PLCL2: variants seen among roughly 807,000 people sequenced by gnomAD.
PLCL2 encodes phospholipase C like 2.
Under a neutral mutation model 79.6 loss-of-function variants are expected in PLCL2, and 4 were observed. The ratio of observed to expected loss-of-function variants is 0.05; its 90% confidence interval spans 0.02 to 0.11. The LOEUF (loss-of-function observed/expected upper bound fraction) is 0.11, where lower values mean the gene tolerates loss of function less well. PLCL2 is among the 10% of genes least tolerant of loss of function. The pLI is 1.00. For synonymous variants in PLCL2, 484 were observed against 457.7 expected (o/e 1.06, Z -0.73); for missense variants, 895 against 1,291.0 (o/e 0.69, Z 4.70).
At chr3:16,960,187 T>C (rs1040450560) in intron 1 of PLCL2, among the ~76,000 whole-genome samples, 1 of 152,232 alleles carries the variant, frequency 6.6e-6, no homozygotes, top group Non-Finnish European at 1.5e-5. Context: ...TTCAGATCTC[T>C]GTAAAGAGGA....
chr3:17,021,995 T>C (rs1221025381), intron 3 of PLCL2, among the ~76,000 whole-genome samples: 1 of 152,174 alleles, frequency 6.6e-6, no homozygotes, highest in African/African-American at 2.4e-5. Context: ...TAGATTTCAT[T>C]TGAGCCATCA....
chr3:17,045,969 CAG>C (rs753314798), intron 4 of PLCL2, among the ~76,000 whole-genome samples: 21 of 152,074 alleles, frequency 1.4e-4, no homozygotes, highest in Non-Finnish European at 2.5e-4. Flanking sequence ...GGATTCAAGA[CAG>C]GGGCAAGAGT....
intron 1 of PLCL2, among the ~76,000 whole-genome samples, chr3:16,999,967 A>G (rs960653367): frequency 7.9e-5 from 12 of 152,144 alleles, no homozygotes; most frequent in African/African-American, 2.7e-4. Context: ...GGAAGTGATA[A>G]TCTTCCTCTT....
chr3:16,985,230 A>G (rs567578461), intron 1 of PLCL2, among the ~76,000 whole-genome samples: 10 of 152,250 alleles, frequency 6.6e-5, no homozygotes, highest in East Asian at 3.9e-4. Flanking sequence ...CCGGGTGCCT[A>G]TAGCTCCCTG....
chr3:16,930,756 C>T (rs1049524146), intron 1 of PLCL2, among the ~76,000 whole-genome samples: 4 of 152,176 alleles, frequency 2.6e-5, no homozygotes, highest in African/African-American at 9.7e-5. Context: ...CTCCTACAAG[C>T]ACCTGAACTC....
rs1255450914 is a variant in PLCL2, at chr3:16,898,394, T to C, written c.327+13028T>C. On this transcript the variant is annotated intron_variant, in intron 1 of 5. Coordinates refer to ENST00000615277, the MANE Select transcript of PLCL2 (RefSeq NM_001144382.2). ...TTCCTACAGCATAATTAGCCAGATC[T>C]TACCCATCTTCATTGTTAGGAAAAA... Among the ~76,000 whole-genome samples, 3 of 152,094 alleles carry C rather than the reference T, an allele frequency of 2.0e-5. No individual in the cohort carries two copies. The East Asian group carries it at 5.8e-4, about 29-fold the overall frequency.
At chr3:16,981,901 A>G (rs2064002484) in intron 1 of PLCL2, among the ~76,000 whole-genome samples, 1 of 152,236 alleles carries the variant, frequency 6.6e-6, no homozygotes, top group Admixed American at 6.5e-5. Flanking sequence ...GAGTATGGTG[A>G]TATCTTATCC....
intron 1 of PLCL2, among the ~76,000 whole-genome samples, chr3:16,952,068 A>G (rs2063658754): frequency 6.6e-6 from 1 of 151,896 alleles, no homozygotes; most frequent in African/African-American, 2.4e-5. Context: ...CAAATATATC[A>G]TCCATTCATT....
intron 1 of PLCL2, among the ~76,000 whole-genome samples, chr3:16,952,389 A>AAAAAAAAC (rs2063663020): frequency 1.4e-5 from 2 of 146,268 alleles, no homozygotes; most frequent in East Asian, 1.9e-4. Context: ...AAAAAAAAAA[A>AAAAAAAAC]AAGAACCTGT....
chr3:16,963,846 A>G lies in PLCL2; in HGVS notation c.328-45828A>G, dbSNP rs868723294. Reference sequence around the variant, plus strand: ...GTGGCTGGTCAGGAATTGGAACCTAAATGCTGGAACTCCAAAGCCCACACT... The same window carrying G: ...GTGGCTGGTCAGGAATTGGAACCTAGATGCTGGAACTCCAAAGCCCACACT... On this transcript the variant is annotated intron_variant, in intron 1 of 5. Transcript: ENST00000615277. 3.3e-5 allele frequency among the ~76,000 whole-genome samples: 5 copies of G among 152,124 alleles called. No individual in the cohort carries two copies. The South Asian group carries it at 1.0e-3, about 32-fold the overall frequency.
At chr3:16,917,028 G>C (rs1697013174) in intron 1 of PLCL2, among the ~76,000 whole-genome samples, 1 of 152,130 alleles carries the variant, frequency 6.6e-6, no homozygotes, top group African/African-American at 2.4e-5. Flanking sequence ...AGTAACTGGA[G>C]AATGAGATAG....
chr3:17,040,214 C>T (rs977253119), intron 3 of PLCL2, among the ~76,000 whole-genome samples: 2 of 152,076 alleles, frequency 1.3e-5, no homozygotes, highest in African/African-American at 2.4e-5. Context: ...CCTCAGTAAA[C>T]GATTGTCCCA....
At chr3:17,035,366 C>G (rs141954257) in intron 3 of PLCL2, among the ~76,000 whole-genome samples, 1 of 149,530 alleles carries the variant, frequency 6.7e-6, no homozygotes, top group Admixed American at 6.6e-5. Flanking sequence ...AGTTGTAAAC[C>G]GTAAAGCACT....
intron 1 of PLCL2, among the ~76,000 whole-genome samples, chr3:16,895,757 A>G (rs1278428421): frequency 6.6e-6 from 1 of 152,162 alleles, no homozygotes; most frequent in East Asian, 1.9e-4. Flanking sequence ...GAATCCTATG[A>G]GGAAAAGGAA....
intron 1 of PLCL2, among the ~76,000 whole-genome samples, chr3:16,994,455 C>T (rs1006693316): frequency 6.6e-6 from 1 of 152,112 alleles, no homozygotes; most frequent in Non-Finnish European, 1.5e-5. Context: ...AGACTGTGAG[C>T]ATGTCTGTGC....
chr3:16,940,161 C>T (rs546462631), intron 1 of PLCL2, among the ~76,000 whole-genome samples: 6 of 152,238 alleles, frequency 3.9e-5, no homozygotes, highest in East Asian at 1.9e-4. Flanking sequence ...TCCCTCCCGG[C>T]GGGCCAGCAC....
rs2065026621 is a variant in PLCL2 at position 17,067,982 on chromosome 3, A to T, written c.3121A>T (p.Ser1041Cys). The T allele has an allele frequency of 1.2e-6, 2 of 1,610,298 alleles. No homozygotes were observed. The highest frequency in any genetic ancestry group is 1.7e-4 in the Middle Eastern group (1 of 6,050). The change falls in exon 5 of 6, where the codon AGC becomes TGC. Residue 1041 changes from serine (S) to cysteine (C), a missense_variant. Physicochemically the swap from Ser to Cys is moderately radical, Grantham distance 112. This residue lies in a region of PLCL2 where 298 missense variants were observed against 459.6 expected (regional missense o/e 0.65). Transcript: ENST00000615277. Reference protein sequence around the residue: ...AAMEFHEHLHSIGTKEGLKER... With the variant: ...AAMEFHEHLHCIGTKEGLKER... ...CATGGAATTCCATGAACACTTGCACAGCATAGGCACCAAGGAAGGTTTGAA... is the reference window on the plus strand; with the variant it reads ...CATGGAATTCCATGAACACTTGCACTGCATAGGCACCAAGGAAGGTTTGAA...
intron 1 of PLCL2, among the ~76,000 whole-genome samples, chr3:16,991,898 A>G (rs73153213): frequency 0.045 from 6,826 of 152,196 alleles, 331 homozygotes; most frequent in African/African-American, 0.12. Flanking sequence ...AGTGAATTTT[A>G]CCATCATATT....
chr3:16,936,538 A>G (rs979706256), intron 1 of PLCL2, among the ~76,000 whole-genome samples: 1 of 152,188 alleles, frequency 6.6e-6, no homozygotes, highest in Non-Finnish European at 1.5e-5. Context: ...AGAAAGAAAG[A>G]AAAAGCAAAC....
Sources: gnomAD v4.1 joint callset for allele counts (sites outside exome capture counted in the v4.1 genomes callset) on GRCh38, gnomAD v4.1.1 for gene constraint, gnomAD v4.1.1 regional missense constraint, MANE v1.5 for transcripts, NCBI Gene and HGNC (gene_info 2026-07-23, HGNC 2026-07-21) for gene names.